The following GLYR1 variants were observed in gnomAD, a reference collection of about 807,000 sequenced individuals.
GLYR1 encodes cytokine-like nuclear factor N-PAC.
GLYR1 carries 21 observed loss-of-function variants against 72.7 expected under a neutral mutation model. That is an observed-to-expected ratio of 0.29 (90% CI 0.20 to 0.42). The LOEUF (loss-of-function observed/expected upper bound fraction) is 0.42, where lower values mean the gene tolerates loss of function less well. Ranked by LOEUF, GLYR1 falls within the 10% of genes least tolerant of loss-of-function variation. The pLI, the probability that GLYR1 is intolerant of heterozygous loss-of-function variation, is 1.00. For missense variants in GLYR1, 594 were observed against 712.1 expected (o/e 0.83, Z 1.89); for synonymous variants, 392 against 270.2 (o/e 1.45, Z -4.42).
chr16:4,835,376 TGA>T lies in GLYR1; in HGVS notation c.156-2466_156-2465del, dbSNP rs201046985. Among the ~76,000 whole-genome samples, 1,054 of 152,330 alleles carry T rather than the reference TGA, an allele frequency of 6.9e-3. 10 individuals carry two copies. The highest frequency in any genetic ancestry group is 0.024 in the African/African-American group (1,009 of 41,562). ...AAAATTCCACTCACTTTAAAGCATTTGAGATACTAAAATTTTCCTCTTTACAA... is the reference window on the plus strand; with the variant it reads ...AAAATTCCACTCACTTTAAAGCATTTGATACTAAAATTTTCCTCTTTACAA... On this transcript the variant is annotated intron_variant, in intron 3 of 15. Coordinates refer to ENST00000321919, the MANE Select transcript of GLYR1 (RefSeq NM_032569.4).
intron 6 of GLYR1, 55 bp downstream of exon 6, chr16:4,823,766 C>A: frequency 1.0e-4 from 117 of 1,172,902 alleles, no homozygotes; most frequent in Non-Finnish European, 1.3e-4. Context: ...AAAAGGATCA[C>A]ACAGGAACCT....
rs1481822266 is a variant in GLYR1, at chr16:4,803,883, CTG to C, written c.*1351_*1352del. Reference sequence around the variant, plus strand: ...CCAACCCATGCAGAGGGATAAAAAACTGACATCCCTTGGGTAACTTTTTTTTT... The same window carrying C: ...CCAACCCATGCAGAGGGATAAAAAACACATCCCTTGGGTAACTTTTTTTTT... On this transcript the variant is annotated 3_prime_UTR_variant, in exon 16 of 16. Coordinates refer to ENST00000321919, the MANE Select transcript of GLYR1 (RefSeq NM_032569.4). 1 of 152,194 alleles carries C rather than the reference CTG, an allele frequency of 6.6e-6. No homozygotes were observed. Among genetic ancestry groups the C allele is most frequent in the Non-Finnish European group, 1.5e-5 (1 of 68,040 alleles). 9.4% of individuals were successfully genotyped at this position (152,194 alleles called of 1,614,324 possible). A position where few individuals can be genotyped will look rare whatever the true frequency, so the allele number is the denominator to read the frequency against.
Position 4,814,648 on chromosome 16 carries a change from C to A in GLYR1, c.907-1G>T. On this transcript the variant is annotated splice_acceptor_variant, in intron 10 of 15. Coordinates refer to ENST00000321919, the MANE Select transcript of GLYR1 (RefSeq NM_032569.4). LOFTEE classifies it high-confidence loss of function. ...CCCCCTCCTGGATGAACAAATCACACTGCAAAAGTCACAGATCCTAACGTG... is the reference window on the plus strand; with the variant it reads ...CCCCCTCCTGGATGAACAAATCACAATGCAAAAGTCACAGATCCTAACGTG... 6.2e-7 allele frequency: 1 copy of A among 1,610,056 alleles called. No homozygotes were observed. Among genetic ancestry groups the A allele is most frequent in the Non-Finnish European group, 8.5e-7 (1 of 1,176,298 alleles).
rs368086572 is a variant in GLYR1 at position 4,812,111 on chromosome 16, C to A, written c.1257G>T (p.Ala419=). The change falls in exon 13 of 16, where the codon GCG becomes GCT. Residue 419 remains alanine (A), a synonymous_variant. Coordinates refer to ENST00000321919, the MANE Select transcript of GLYR1 (RefSeq NM_032569.4). ...LYEDCSSCFQ[A]MGKTSFFLGE... The stretch of plus-strand genomic sequence containing the variant: ...CTAGGAAGAAGGAGGTCTTCCCCAT[C>A]GCCTGGAAGCAGCTGCTGCAGTCCT... The A allele has an allele frequency of 8.1e-6, 13 of 1,613,846 alleles. No homozygotes were observed. Among genetic ancestry groups the A allele is most frequent in the Non-Finnish European group, 1.1e-5 (13 of 1,179,930 alleles).
rs1188577614 is a variant in GLYR1 at position 4,821,586 on chromosome 16, A to G, written c.693T>C (p.Cys231=). 2 of 1,613,912 alleles carry G rather than the reference A, an allele frequency of 1.2e-6. No homozygotes were observed. The highest frequency in any genetic ancestry group is 1.7e-6 in the Non-Finnish European group (2 of 1,180,008). The change falls in exon 8 of 16, where the codon TGT becomes TGC. Residue 231 remains cysteine (C), a synonymous_variant. Transcript: ENST00000321919. ...LLSQTEKPAV[C]YQAITKKLKI... The stretch of plus-strand genomic sequence containing the variant: ...TCAACTTCTTCGTGATTGCCTGGTA[A>G]CAGACAGCTGGCTAATGAAGGAGGA...
chr16:4,843,663 C>G (rs2085726138), intron 3 of GLYR1: 4 of 1,283,098 alleles, frequency 3.1e-6, no homozygotes, highest in Non-Finnish European at 4.1e-6. Flanking sequence ...GTGAAGAATA[C>G]TGTTTATAAT....
intron 15 of GLYR1, 32 bp downstream of exon 15, chr16:4,811,138 G>C (rs374248200): frequency 6.5e-5 from 102 of 1,574,368 alleles, no homozygotes; most frequent in Non-Finnish European, 3.4e-5. Context: ...AGAAACTGAA[G>C]GGCCTTGGGG....
chr16:4,846,124 C>A, intron 2 of GLYR1, 50 bp downstream of exon 2: 1 of 1,596,178 alleles, frequency 6.3e-7, no homozygotes, highest in Non-Finnish European at 8.6e-7. Flanking sequence ...ACATTCTCCA[C>A]CTCTTCAAAC....
At chr16:4,844,975 A>G in intron 3 of GLYR1, 99 bp downstream of exon 3, 1 of 797,336 alleles carries the variant, frequency 1.3e-6, no homozygotes, top group South Asian at 1.5e-5. Context: ...CATTATAAGA[A>G]GACTGAACTA....
At position 4,811,290 on chromosome 16, in the gene GLYR1, G is replaced by A; in HGVS notation, c.1467C>T (p.Ile489=). 6.2e-7 allele frequency: 1 copy of A among 1,613,484 alleles called. No individual in the cohort carries two copies. ...AATCAGGCTTAAAGTTTCCTTGCAG[G>A]ATATCTGAGGAGAAAAAGCCAGTAT... The part of the protein sequence containing the change: ...SIFLDQKCQN[I]LQGNFKPDFY... The change falls in exon 15 of 16, where the codon ATC becomes ATT. Residue 489 remains isoleucine, a synonymous_variant. Transcript: ENST00000321919.
At position 4,841,533 on chromosome 16, in the gene GLYR1, T is replaced by C. The variant is rs549161976; in HGVS notation, c.155+3541A>G. Among the ~76,000 whole-genome samples, 8 of 139,378 alleles carry C rather than the reference T, an allele frequency of 5.7e-5. No homozygotes were observed. In the South Asian group the frequency reaches 1.9e-3, roughly 33 times the overall value. 91.4% of individuals were successfully genotyped at this position (139,378 alleles called of 152,430 possible). A position where few individuals can be genotyped will look rare whatever the true frequency, so the allele number is the denominator to read the frequency against. The stretch of plus-strand genomic sequence containing the variant: ...GGTGGCACACAACTGTGGTCCCAGC[T>C]ACTCGGACTGCTGAGGTGGGAGGAT... On this transcript the variant is annotated intron_variant, in intron 3 of 15. Coordinates refer to ENST00000321919, the MANE Select transcript of GLYR1 (RefSeq NM_032569.4).
intron 12 of GLYR1, among the ~76,000 whole-genome samples, chr16:4,813,373 C>T (rs1288650455): frequency 2.0e-5 from 3 of 152,194 alleles, no homozygotes. Flanking sequence ...ATATGTGGGT[C>T]CCAAAGTCCC....
intron 12 of GLYR1, among the ~76,000 whole-genome samples, chr16:4,812,782 C>T (rs1339880655): frequency 1.3e-5 from 2 of 151,510 alleles, no homozygotes; most frequent in African/African-American, 2.4e-5. Flanking sequence ...TGAGCCACCA[C>T]GCCTGGCCGG....
At chr16:4,822,815 T>C in intron 7 of GLYR1, 60 bp downstream of exon 7, 1 of 1,400,936 alleles carries the variant, frequency 7.1e-7, no homozygotes, top group East Asian at 2.3e-5. Flanking sequence ...CAGGACCCAG[T>C]GGAGGAGCAC....
chr16:4,833,535 C>A (rs1047563798), intron 3 of GLYR1, among the ~76,000 whole-genome samples: 1 of 151,826 alleles, frequency 6.6e-6, no homozygotes, highest in African/African-American at 2.4e-5. Context: ...ATGATGGTAA[C>A]CATGGCTACT....
At chr16:4,821,256 C>A (rs929641229) in intron 9 of GLYR1, 124 bp downstream of exon 9, 7 of 929,502 alleles carry the variant, frequency 7.5e-6, no homozygotes, top group Non-Finnish European at 1.0e-5. Flanking sequence ...AACATCCCCC[C>A]ACCTTTTCCA....
intron 5 of GLYR1, among the ~76,000 whole-genome samples, chr16:4,825,736 C>A (rs2084340850): frequency 6.6e-6 from 1 of 151,970 alleles, no homozygotes; most frequent in Non-Finnish European, 1.5e-5. Context: ...ACTGCAACCT[C>A]TGTCTCCTGG....
At chr16:4,838,862 C>T (rs2085340067) in intron 3 of GLYR1, among the ~76,000 whole-genome samples, 2 of 152,132 alleles carry the variant, frequency 1.3e-5, no homozygotes, top group Non-Finnish European at 2.9e-5. Flanking sequence ...TCTGGGATTA[C>T]AGATGTGAGC....
intron 15 of GLYR1, among the ~76,000 whole-genome samples, chr16:4,807,354 C>G (rs2083053058): frequency 1.3e-5 from 2 of 152,032 alleles, no homozygotes; most frequent in Admixed American, 1.3e-4. Flanking sequence ...CTCAGGTGAT[C>G]TGCCCGCCTC....
Sources: gnomAD v4.1 joint callset for allele counts (sites outside exome capture counted in the v4.1 genomes callset) on GRCh38, gnomAD v4.1.1 for gene constraint, MANE v1.5 for transcripts, NCBI Gene and HGNC (gene_info 2026-07-23, HGNC 2026-07-21) for gene names.